The following LRRC36 variants were observed in gnomAD, a reference collection of about 807,000 sequenced individuals.
LRRC36 encodes leucine-rich repeat-containing protein 36.
A neutral mutation model predicts 81.1 loss-of-function variants in LRRC36; 62 were observed. That is an observed-to-expected ratio of 0.76 (90% CI 0.62 to 0.94). LRRC36 has a LOEUF of 0.94. LRRC36 is among the 40% of genes least tolerant of loss of function. The pLI is 0.00. For synonymous variants in LRRC36, 334 were observed against 348.6 expected, an observed-to-expected ratio of 0.96 and a Z score of 0.47; for missense variants, 761 against 881.7, an observed-to-expected ratio of 0.86 and a Z score of 1.73.
At position 67,347,548 on chromosome 16, in the gene LRRC36, C is replaced by T; in HGVS notation, c.445C>T (p.Gln149Ter). 1 of 1,612,940 alleles carries T rather than the reference C, an allele frequency of 6.2e-7. No individual in the cohort carries two copies. Among genetic ancestry groups the T allele is most frequent in the Non-Finnish European group, 8.5e-7 (1 of 1,179,168 alleles). ...ERKAAKLHFS[Q>*]LGNSENFLLE... ...AAAAGCTGCCAAGCTGCATTTTAGT[C>T]AGTTGGGCAACAGTGAAAATTTTCT... The change falls in exon 4 of 14, where the codon CAG becomes TAG. Residue 149 changes from glutamine (Q) to a stop codon, truncating the protein, a stop_gained. Coordinates refer to ENST00000329956, the MANE Select transcript of LRRC36 (RefSeq NM_018296.6). LOFTEE classifies it high-confidence loss of function.
At chr16:67,347,886 G>T (rs2038429433) in intron 4 of LRRC36, among the ~76,000 whole-genome samples, 1 of 152,122 alleles carries the variant, frequency 6.6e-6, no homozygotes, top group Non-Finnish European at 1.5e-5. Context: ...TCCTATAAAT[G>T]CTTACCAACT....
chr16:67,372,309 A>G (rs2039681431), intron 9 of LRRC36, among the ~76,000 whole-genome samples: 1 of 151,876 alleles, frequency 6.6e-6, no homozygotes, highest in Non-Finnish European at 1.5e-5. Context: ...GTGAGCCGAG[A>G]TCGCGCCATT....
chr16:67,347,593 TAAG>T lies in LRRC36; in HGVS notation c.488+7_488+9del, dbSNP rs758559238. ...TTTTCTTTTAGAGGTGGAAAAAAGG[TAAG>T]AAGATTCTTTACAAAATTTTTAAAG... On this transcript the variant is annotated splice_donor_5th_base_variant and intron_variant, in intron 4 of 13. Coordinates refer to ENST00000329956, the MANE Select transcript of LRRC36 (RefSeq NM_018296.6). 2.3e-5 allele frequency: 37 copies of T among 1,605,934 alleles called. No individual in the cohort carries two copies. The highest frequency in any genetic ancestry group is 3.0e-5 in the Non-Finnish European group (35 of 1,173,476).
intron 5 of LRRC36, among the ~76,000 whole-genome samples, chr16:67,362,767 TTTGTTG>T (rs111993299): frequency 6.6e-6 from 1 of 151,098 alleles, no homozygotes; most frequent in African/African-American, 2.5e-5. Flanking sequence ...TTTTTTTGTT[TTTGTTG>T]TTGTTGTTGT....
intron 9 of LRRC36, chr16:67,371,850 T>A (rs1174792388): frequency 1.3e-5 from 2 of 154,896 alleles, no homozygotes; most frequent in East Asian, 3.8e-4. Flanking sequence ...CACTCCAGCC[T>A]GGGTGACAGA....
At chr16:67,328,374 A>G (rs1225430159) in intron 1 of LRRC36, among the ~76,000 whole-genome samples, 1 of 151,978 alleles carries the variant, frequency 6.6e-6, no homozygotes, top group Non-Finnish European at 1.5e-5. Flanking sequence ...TTAGCGGAGC[A>G]TGGTGGCGGG....
At position 67,330,178 on chromosome 16, in the gene LRRC36, AT is replaced by A. The variant is rs879489922; in HGVS notation, c.70+3258del. On this transcript the variant is annotated intron_variant, in intron 1 of 13. Coordinates refer to ENST00000329956, the MANE Select transcript of LRRC36 (RefSeq NM_018296.6). The stretch of plus-strand genomic sequence containing the variant: ...TGAGGCTTAATCAGATTCAGGTTGG[AT>A]TTTTTTTTTTTCACAAGACGATTTC... Among the ~76,000 whole-genome samples, 60 of 145,082 alleles carry A rather than the reference AT, an allele frequency of 4.1e-4. No homozygotes were observed. In the Middle Eastern group the frequency reaches 0.011, roughly 26 times the overall value.
At chr16:67,329,013 G>T (rs570471241) in intron 1 of LRRC36, among the ~76,000 whole-genome samples, 1 of 151,852 alleles carries the variant, frequency 6.6e-6, no homozygotes, top group Non-Finnish European at 1.5e-5. Context: ...CATTTCAAGC[G>T]ATTCTTCTGC....
chr16:67,331,115 A>AGAG (rs1360995312), intron 1 of LRRC36, among the ~76,000 whole-genome samples: 5 of 127,088 alleles, frequency 3.9e-5, no homozygotes, highest in African/African-American at 2.0e-4. Context: ...GAGAGAGAGA[A>AGAG]GACTGAACTA....
intron 1 of LRRC36, among the ~76,000 whole-genome samples, chr16:67,340,942 G>A (rs1468122861): frequency 7.0e-6 from 1 of 141,948 alleles, no homozygotes; most frequent in Non-Finnish European, 1.5e-5. Context: ...ATACTCTATA[G>A]AATATAGAAT....
intron 1 of LRRC36, among the ~76,000 whole-genome samples, chr16:67,329,038 T>C (rs2037346518): frequency 6.6e-6 from 1 of 152,114 alleles, no homozygotes; most frequent in African/African-American, 2.4e-5. Context: ...GCCTCCCAAG[T>C]AGCTGGGACT....
chr16:67,362,748 T>A (rs2039212319), intron 5 of LRRC36, among the ~76,000 whole-genome samples: 1 of 150,610 alleles, frequency 6.6e-6, no homozygotes, highest in Non-Finnish European at 1.5e-5. Flanking sequence ...CTGACTGGTT[T>A]CTCTCTCTTT....
intron 9 of LRRC36, 26 bp from the exon 10 acceptor site, chr16:67,375,221 G>A: frequency 6.2e-7 from 1 of 1,602,418 alleles, no homozygotes; most frequent in Non-Finnish European, 8.5e-7. Context: ...TTGTTTGTTT[G>A]TTTTTGCTTT....
chr16:67,342,483 A>G (rs2038136857), intron 2 of LRRC36, among the ~76,000 whole-genome samples: 1 of 152,128 alleles, frequency 6.6e-6, no homozygotes, highest in Non-Finnish European at 1.5e-5. Flanking sequence ...TGGTACATGG[A>G]GCATACATGG....
rs746024807 is a variant in LRRC36, at chr16:67,370,363, C to T, written c.1196-581C>T. 2.6e-5 allele frequency among the ~76,000 whole-genome samples: 4 copies of T among 151,918 alleles called. No individual in the cohort carries two copies. The East Asian group carries it at 5.8e-4, about 22-fold the overall frequency. ...GCCAGAGTATTATATTAGGAGATGC[C>T]GGGCACAGTGGCTCACACCTGTAAT... On this transcript the variant is annotated intron_variant, in intron 8 of 13. Transcript: ENST00000329956.
intron 6 of LRRC36, 62 bp from the exon 7 acceptor site, chr16:67,365,242 A>G (rs1489142564): frequency 3.8e-6 from 4 of 1,056,720 alleles, no homozygotes; most frequent in Non-Finnish European, 5.8e-6. Flanking sequence ...CCCCTAGTCT[A>G]ATAAGCTCAC....
chr16:67,345,171 C>T (rs1024852751), intron 2 of LRRC36, among the ~76,000 whole-genome samples: 1 of 151,894 alleles, frequency 6.6e-6, no homozygotes, highest in Non-Finnish European at 1.5e-5. Flanking sequence ...AATAGTTAGC[C>T]AGGTGTGGTG....
intron 9 of LRRC36, 104 bp from the exon 10 acceptor site, chr16:67,375,138 TAAAAA>T (rs79190076): frequency 1.2e-6 from 1 of 842,652 alleles, no homozygotes; most frequent in Admixed American, 3.0e-5. Flanking sequence ...AAAAAAAAAT[TAAAAA>T]AAAAAAAGTC....
At chr16:67,342,951 C>T (rs192235288) in intron 2 of LRRC36, among the ~76,000 whole-genome samples, 1 of 152,130 alleles carries the variant, frequency 6.6e-6, no homozygotes. Context: ...GATCAAAAGC[C>T]CTAAGATCAA....
Sources: gnomAD v4.1 joint callset for allele counts (sites outside exome capture counted in the v4.1 genomes callset) on GRCh38, gnomAD v4.1.1 for gene constraint, MANE v1.5 for transcripts, NCBI Gene and HGNC (gene_info 2026-07-23, HGNC 2026-07-21) for gene names.